ROBO2: variants seen among roughly 807,000 people sequenced by gnomAD.
The protein encoded by ROBO2 is roundabout homolog 2.
Under a neutral mutation model 160.8 loss-of-function variants are expected in ROBO2, and 53 were observed. The ratio of observed to expected loss-of-function variants is 0.33; its 90% CI spans 0.26 to 0.41. The LOEUF (loss-of-function observed/expected upper bound fraction) is 0.41. Ranked by LOEUF, ROBO2 falls within the 10% of genes least tolerant of loss-of-function variation. The probability of loss-of-function intolerance (pLI) is 1.00; values close to 1 mark genes in which losing one functional copy is unlikely to be tolerated. For synonymous variants in ROBO2, 664 were observed against 611.7 expected (o/e 1.09, Z -1.26); for missense variants, 1,577 against 1,722.4 (o/e 0.92, Z 1.49).
intron 2 of ROBO2, among the ~76,000 whole-genome samples, chr3:77,301,149 A>C (rs2062624425): frequency 6.6e-6 from 1 of 152,102 alleles, no homozygotes; most frequent in Non-Finnish European, 1.5e-5. Flanking sequence ...GATTACAGGC[A>C]TGAACCACTG....
chr3:76,370,617 A>G (rs1025713967), intron 2 of ROBO2, among the ~76,000 whole-genome samples: 3 of 151,974 alleles, frequency 2.0e-5, no homozygotes, highest in African/African-American at 7.2e-5. Flanking sequence ...ATAAGGGAAT[A>G]TTGGAGCTGA....
chr3:76,208,292 C>T (rs1188802952), intron 2 of ROBO2, among the ~76,000 whole-genome samples: 2 of 152,108 alleles, frequency 1.3e-5, no homozygotes, highest in Non-Finnish European at 2.9e-5. Context: ...GGAATGCTCT[C>T]CTTGTAATGG....
In ROBO2 at chr3:77,389,241, G is replaced by A. The variant is rs147323809; in HGVS notation, c.389-88173G>A. Reference sequence around the variant, plus strand: ...TTACACGTGTGAGCCACCACGCCAGGCCTTATTTATTTTTTTAACCCACTT... The same window carrying A: ...TTACACGTGTGAGCCACCACGCCAGACCTTATTTATTTTTTTAACCCACTT... On this transcript the variant is annotated intron_variant, in intron 2 of 25. Coordinates refer to ENST00000461745, the Ensembl canonical transcript of ROBO2. 8.4e-4 allele frequency among the ~76,000 whole-genome samples: 128 copies of A among 152,220 alleles called. 2 individuals carry two copies. Among genetic ancestry groups the A allele is most frequent in the Middle Eastern group, 6.8e-3 (2 of 294 alleles).
chr3:77,148,012 G>T (rs557519279), intron 2 of ROBO2, among the ~76,000 whole-genome samples: 1 of 152,210 alleles, frequency 6.6e-6, no homozygotes, highest in Non-Finnish European at 1.5e-5. Context: ...ACACAGAGAC[G>T]CGAGGCCTGG....
chr3:76,666,004 A>AT (rs1341831314), intron 2 of ROBO2, among the ~76,000 whole-genome samples: 2 of 122,666 alleles, frequency 1.6e-5, no homozygotes, highest in Non-Finnish European at 3.7e-5. Flanking sequence ...TATAATATAT[A>AT]ATATATACAT....
chr3:77,597,611 C>T (rs1476513195), intron 19 of ROBO2, among the ~76,000 whole-genome samples: 1 of 152,030 alleles, frequency 6.6e-6, no homozygotes, highest in East Asian at 1.9e-4. Context: ...CTTGCCAGAA[C>T]CCCATGTGGC....
At chr3:77,204,331 T>G (rs1409821073) in intron 2 of ROBO2, among the ~76,000 whole-genome samples, 1 of 152,190 alleles carries the variant, frequency 6.6e-6, no homozygotes, top group Non-Finnish European at 1.5e-5. Context: ...AATATGCTAC[T>G]TTTATTTTGT....
intron 2 of ROBO2, among the ~76,000 whole-genome samples, chr3:76,430,696 A>T (rs2076400185): frequency 6.6e-6 from 1 of 151,958 alleles, no homozygotes; most frequent in South Asian, 2.1e-4. Context: ...ATTTATGAAA[A>T]TCTCTGTAAA....
intron 2 of ROBO2, among the ~76,000 whole-genome samples, chr3:77,220,035 G>T (rs976742711): frequency 6.6e-6 from 1 of 151,710 alleles, no homozygotes; most frequent in African/African-American, 2.4e-5. Flanking sequence ...CTTTGAGATG[G>T]AGTCTCACTC....
intron 2 of ROBO2, among the ~76,000 whole-genome samples, chr3:76,288,085 A>G (rs936945156): frequency 6.6e-5 from 7 of 105,950 alleles, no homozygotes; most frequent in Admixed American, 3.8e-4. Context: ...AAGTGTCTTA[A>G]AATTTGATTT....
intron 6 of ROBO2, among the ~76,000 whole-genome samples, chr3:77,531,003 T>C (rs1486799881): frequency 1.3e-5 from 2 of 151,978 alleles, no homozygotes; most frequent in East Asian, 3.9e-4. Flanking sequence ...CACCACATTT[T>C]TTCCCAGCAG....
rs2066024148 is a variant in ROBO2 at position 76,006,503 on chromosome 3, C to G, written c.109+68901C>G. Among the ~76,000 whole-genome samples, 3 of 152,124 alleles carry G rather than the reference C, an allele frequency of 2.0e-5. No individual in the cohort carries two copies. In the South Asian group the frequency reaches 6.2e-4, roughly 31 times the overall value. ...TGATATGACTGTTAGTCAACTGATT[C>G]ATCTAGCTATTTACCTATCCTTCTT... On this transcript the variant is annotated intron_variant, in intron 2 of 26. Coordinates refer to the ROBO2 transcript ENST00000487694.
intron 2 of ROBO2, among the ~76,000 whole-genome samples, chr3:76,263,334 G>A (rs537002868): frequency 2.6e-5 from 4 of 152,120 alleles, no homozygotes; most frequent in African/African-American, 4.8e-5. Flanking sequence ...GGGCTCAGGC[G>A]ATGCACCTTT....
chr3:77,116,996 C>T (rs1055664694), intron 2 of ROBO2, among the ~76,000 whole-genome samples: 13 of 152,038 alleles, frequency 8.6e-5, no homozygotes, highest in South Asian at 4.1e-4. Flanking sequence ...AGCTGAATAT[C>T]GGAAAGATTT....
intron 2 of ROBO2, among the ~76,000 whole-genome samples, chr3:76,541,348 T>G (rs2082805376): frequency 6.6e-6 from 1 of 152,226 alleles, no homozygotes; most frequent in Non-Finnish European, 1.5e-5. Flanking sequence ...CAGCTATGCT[T>G]TATCCGGCTC....
intron 2 of ROBO2, among the ~76,000 whole-genome samples, chr3:77,008,396 T>C (rs2149449479): frequency 6.6e-6 from 1 of 152,292 alleles, no homozygotes; most frequent in Middle Eastern, 3.4e-3. Context: ...ATTACTTTCA[T>C]TGCTGCCTAT....
chr3:77,344,214 A>G lies in ROBO2; in HGVS notation c.389-133200A>G, dbSNP rs75624885. On this transcript the variant is annotated intron_variant, in intron 2 of 25. Transcript: ENST00000461745. ...TTGGAATGACAAAAAAGAGTCAGCC[A>G]TGTGAAGATCCAGGTATACAGAACA... Among the ~76,000 whole-genome samples, 1,484 of 152,314 alleles carry G rather than the reference A, an allele frequency of 9.7e-3. 12 individuals are homozygous for G. Among genetic ancestry groups the G allele is most frequent in the South Asian group, 0.023 (112 of 4,820 alleles).
chr3:77,602,796 C>T, intron 20 of ROBO2: 1 of 482,598 alleles, frequency 2.1e-6, no homozygotes, highest in South Asian at 1.8e-5. Flanking sequence ...TCTCTACTTC[C>T]ATTAGGGCAG....
At chr3:76,431,540 G>A (rs1027210824) in intron 2 of ROBO2, among the ~76,000 whole-genome samples, 6 of 152,016 alleles carry the variant, frequency 3.9e-5, no homozygotes, top group Non-Finnish European at 8.8e-5. Context: ...TAATGCCAGT[G>A]GATTAAGCTT....
Sources: gnomAD v4.1 joint callset for allele counts (sites outside exome capture counted in the v4.1 genomes callset) on GRCh38, gnomAD v4.1.1 for gene constraint, MANE v1.5 for transcripts, NCBI Gene and HGNC (gene_info 2026-07-23, HGNC 2026-07-21) for gene names.